CDH11: variants seen among roughly 807,000 people sequenced by gnomAD.
The protein encoded by CDH11 is cadherin 11.
CDH11 carries 11 observed loss-of-function variants against 67.8 expected under a neutral mutation model. That is an observed-to-expected ratio of 0.16 (90% CI 0.10 to 0.27). CDH11 has a LOEUF of 0.27. CDH11 is among the 10% of genes least tolerant of loss of function. CDH11 has a pLI of 1.00. For missense variants in CDH11, 847 were observed against 1,031.2 expected, an observed-to-expected ratio of 0.82 and a Z score of 2.45; for synonymous variants, 419 against 400.0, an observed-to-expected ratio of 1.05 and a Z score of -0.57.
intron 3 of CDH11, among the ~76,000 whole-genome samples, chr16:65,002,083 G>T (rs932240807): frequency 1.3e-5 from 2 of 152,178 alleles, no homozygotes; most frequent in Admixed American, 1.3e-4. Context: ...CCAGGGAACT[G>T]TCTCAGCACA....
chr16:65,049,783 G>T (rs141962973), intron 2 of CDH11, among the ~76,000 whole-genome samples: 1 of 152,148 alleles, frequency 6.6e-6, no homozygotes, highest in South Asian at 2.1e-4. Context: ...CAAGTGAACC[G>T]AGTGTCTGTT....
chr16:65,055,463 T>C (rs1414583435), intron 1 of CDH11, among the ~76,000 whole-genome samples: 4 of 152,200 alleles, frequency 2.6e-5, no homozygotes, highest in African/African-American at 9.7e-5. Flanking sequence ...ACTTTCTTTT[T>C]TCCAATTTCT....
chr16:65,068,712 G>T (rs921189287), intron 1 of CDH11, among the ~76,000 whole-genome samples: 5 of 152,112 alleles, frequency 3.3e-5, no homozygotes, highest in African/African-American at 1.2e-4. Context: ...TTTTCTAGTG[G>T]TTTTTCCCGA....
chr16:65,059,793 C>T (rs960898088), intron 1 of CDH11: 1 of 152,206 alleles, frequency 6.6e-6, no homozygotes, highest in Non-Finnish European at 1.5e-5. Context: ...AAATGTCTTT[C>T]GTTGTACCCA....
intron 1 of CDH11, among the ~76,000 whole-genome samples, chr16:65,060,899 C>T (rs865834266): frequency 1.3e-5 from 2 of 152,188 alleles, no homozygotes; most frequent in Admixed American, 1.3e-4. Flanking sequence ...GCATCTGACT[C>T]CTGTCTGTCC....
intron 3 of CDH11, among the ~76,000 whole-genome samples, chr16:64,999,805 G>T (rs1394064261): frequency 6.6e-6 from 1 of 152,136 alleles, no homozygotes; most frequent in Non-Finnish European, 1.5e-5. Context: ...AAAGTGCTGG[G>T]ATTACACACA....
chr16:65,052,232 G>A (rs1056146157), intron 2 of CDH11, among the ~76,000 whole-genome samples: 3 of 152,106 alleles, frequency 2.0e-5, no homozygotes, highest in African/African-American at 7.2e-5. Context: ...TTGCAACTGG[G>A]AGCACAGTGG....
At chr16:64,974,158 G>A (rs980366314) in intron 8 of CDH11, among the ~76,000 whole-genome samples, 55 of 152,048 alleles carry the variant, frequency 3.6e-4, no homozygotes, top group African/African-American at 1.3e-3. Flanking sequence ...ACTTGCCCAG[G>A]ATACAGTCTT....
chr16:65,056,427 T>G (rs937176266), intron 1 of CDH11, among the ~76,000 whole-genome samples: 29 of 152,166 alleles, frequency 1.9e-4, no homozygotes, highest in Non-Finnish European at 1.2e-4. Context: ...AATACCTAAA[T>G]GAATTCAATC....
chr16:65,000,595 G>A (rs959733029), intron 3 of CDH11, among the ~76,000 whole-genome samples: 7 of 152,164 alleles, frequency 4.6e-5, no homozygotes, highest in East Asian at 1.9e-4. Flanking sequence ...TCGGGGGTTC[G>A]AGACCAGCCT....
At chr16:65,117,483 G>T (rs570544163) in intron 1 of CDH11, among the ~76,000 whole-genome samples, 1 of 151,944 alleles carries the variant, frequency 6.6e-6, no homozygotes, top group Non-Finnish European at 1.5e-5. Context: ...TTTCCATATC[G>T]CTGAGAAGAA....
intron 1 of CDH11, among the ~76,000 whole-genome samples, chr16:65,099,195 C>T (rs2074948584): frequency 6.6e-6 from 1 of 152,062 alleles, no homozygotes; most frequent in African/African-American, 2.4e-5. Flanking sequence ...TTTTATATTA[C>T]AGGGTGCCAT....
chr16:65,066,856 C>G (rs1251947512), intron 1 of CDH11, among the ~76,000 whole-genome samples: 1 of 152,228 alleles, frequency 6.6e-6, no homozygotes, highest in Non-Finnish European at 1.5e-5. Flanking sequence ...TCTGCATTTG[C>G]TGCAAACCAT....
In CDH11 at chr16:64,982,185, G is replaced by C. The variant is rs202106531; in HGVS notation, c.1116C>G (p.Ile372Met). ...GPFKDTVTVK[I>M]SVEDADEPPM... ...GGGGCTCATCAGCATCTTCTACTGA[G>C]ATCTTGACGGTCACAGTGTCCTTGA... The change falls in exon 8 of 13, where the codon ATC becomes ATG. Residue 372 changes from isoleucine (I) to methionine (M), a missense_variant. Coordinates refer to ENST00000268603, the MANE Select transcript of CDH11 (RefSeq NM_001797.4). The C allele has an allele frequency of 1.2e-6, 2 of 1,614,020 alleles. No homozygotes were observed. The highest frequency in any genetic ancestry group is 4.5e-5 in the East Asian group (2 of 44,864).
chr16:64,977,536 G>T (rs773273212), intron 8 of CDH11, among the ~76,000 whole-genome samples: 25 of 152,318 alleles, frequency 1.6e-4, no homozygotes, highest in Non-Finnish European at 2.9e-4. Flanking sequence ...ACACTGTGAA[G>T]ATTTTTAAGT....
chr16:65,107,082 G>A (rs1204632241), intron 1 of CDH11, among the ~76,000 whole-genome samples: 1 of 152,062 alleles, frequency 6.6e-6, no homozygotes, highest in Non-Finnish European at 1.5e-5. Flanking sequence ...CCCAGTCCCA[G>A]GCCGTCAGTA....
rs1399581993 is a variant in CDH11, at chr16:65,004,799, G to T, written c.71C>A (p.Ala24Asp). ...LGMLCHSHAF[A>D]PERRGHLRPS... ...CCGCAGGTGCCCCCGCCGCTCTGGG[G>T]CAAAGGCATGGCTGTGGCACAGCAT... Residue 24 changes from alanine (A) to aspartate (D), a missense_variant, in exon 3 of 13, where the codon GCC (alanine) becomes GAC (aspartate). Ala to Asp is a moderately radical substitution (Grantham distance 126). This residue lies in a region of CDH11 where 235 missense variants were observed against 352.5 expected (regional missense o/e 0.67). Transcript: ENST00000268603. 1.3e-6 allele frequency: 2 copies of T among 1,596,202 alleles called. No individual in the cohort carries two copies. Among genetic ancestry groups the T allele is most frequent in the South Asian group, 2.3e-5 (2 of 88,646 alleles).
chr16:65,013,036 A>T (rs1233535225), intron 2 of CDH11, among the ~76,000 whole-genome samples: 2 of 152,180 alleles, frequency 1.3e-5, no homozygotes, highest in Admixed American at 1.3e-4. Flanking sequence ...ATAAAATAGG[A>T]GGTTGGAAAT....
At chr16:65,123,131 C>G (rs929471663), upstream of CDH11, among the ~76,000 whole-genome samples, 1 of 152,106 alleles carries the variant, frequency 6.6e-6, no homozygotes, top group African/African-American at 2.4e-5. Context: ...GGAATCACGC[C>G]AAGGACTGGG....
Sources: allele counts gnomAD v4.1 joint callset (sites outside exome capture counted in the v4.1 genomes callset), GRCh38; gene constraint gnomAD v4.1.1; regional missense constraint gnomAD v4.1.1; transcripts MANE v1.5; gene names NCBI Gene and HGNC (gene_info 2026-07-23, HGNC 2026-07-21).